Variants in FOXM1 observed in about 807,000 individuals in gnomAD.
The protein encoded by FOXM1 is forkhead box protein M1.
In FOXM1, 25 loss-of-function variants were observed where a neutral mutation model predicts 63.6. The observed-to-expected ratio is 0.39, with a 90% CI of 0.29 to 0.55. FOXM1 has a LOEUF of 0.55. Among genes scored for constraint, FOXM1 ranks in the 20% least tolerant of loss-of-function variants. The probability of loss-of-function intolerance (pLI) is 0.60; values close to 1 mark genes in which losing one functional copy is unlikely to be tolerated. For missense variants in FOXM1, 879 were observed against 958.7 expected (o/e 0.92, Z 1.10); for synonymous variants, 387 against 376.9 (o/e 1.03, Z -0.31).
chr12:2,876,040 C>T (rs900809490), intron 1 of FOXM1, among the ~76,000 whole-genome samples: 1 of 151,944 alleles, frequency 6.6e-6, no homozygotes, highest in Non-Finnish European at 1.5e-5. Context: ...GGATTACAGG[C>T]GTGAGCCACT....
chr12:2,858,631 C>G lies in FOXM1; in HGVS notation c.*7G>C, dbSNP rs772417443. On this transcript the variant is annotated 3_prime_UTR_variant, in exon 9 of 9. Coordinates refer to ENST00000359843, the MANE Select transcript of FOXM1 (RefSeq NM_021953.4). ...GACAGCTTGAGCACAGGGGCAAGGGCAGGGCTCTACTGTAGCTCAGGAATA... is the reference window on the plus strand; with the variant it reads ...GACAGCTTGAGCACAGGGGCAAGGGGAGGGCTCTACTGTAGCTCAGGAATA... The G allele has an allele frequency of 1.9e-6, 3 of 1,610,818 alleles. No homozygotes were observed. The African/African-American group carries it at 4.0e-5, about 22-fold the overall frequency.
At chr12:2,862,936 G>A (rs959770594) in intron 8 of FOXM1, among the ~76,000 whole-genome samples, 3 of 152,056 alleles carry the variant, frequency 2.0e-5, no homozygotes, top group African/African-American at 7.2e-5. Flanking sequence ...GATGGGGGAA[G>A]CTTTTCACTT....
At chr12:2,862,747 G>A (rs1006370061) in intron 8 of FOXM1, among the ~76,000 whole-genome samples, 1 of 149,450 alleles carries the variant, frequency 6.7e-6, no homozygotes, top group Non-Finnish European at 1.5e-5. Flanking sequence ...TTACTTTGCT[G>A]CCCAGGCTGG....
Position 2,875,790 on chromosome 12 carries a change from C to T in FOXM1, c.-48+1130G>A, listed in dbSNP as rs1010092504. On this transcript the variant is annotated intron_variant, in intron 1 of 8. Transcript: ENST00000359843. ...TTTTTTTTTTTTTGAGACGGAGCTT[C>T]GCTCTTGTCACCCAGGCTGGAGTGC... 2.8e-4 allele frequency among the ~76,000 whole-genome samples: 38 copies of T among 136,294 alleles called. 1 individual carries two copies. Among genetic ancestry groups the T allele is most frequent in the African/African-American group, 9.3e-4 (33 of 35,360 alleles). The allele number at this position is 136,294 out of a possible 152,430, so 89.4% of individuals were successfully genotyped here.
Position 2,859,040 on chromosome 12 carries a change from G to C in FOXM1, c.1890C>G (p.Ala630=). Residue 630 remains alanine, a synonymous_variant, in exon 9 of 9, where the codon GCC becomes GCG. Transcript: ENST00000359843. ...TPESWRLTPP[A]KVGGLDFSPV... is the part of the protein sequence containing the mutation. ...GGCTGAAATCCAGTCCCCCTACTTT[G>C]GCTGGGGGCGTGAGCCTCCAGGATT... 6.2e-7 allele frequency: 1 copy of C among 1,609,616 alleles called. No individual in the cohort carries two copies. The highest frequency in any genetic ancestry group is 8.5e-7 in the Non-Finnish European group (1 of 1,177,712).
Position 2,872,298 on chromosome 12 carries a change from A to T in FOXM1, c.503-51T>A, listed in dbSNP as rs367575382. 4 of 1,600,724 alleles carry T rather than the reference A, an allele frequency of 2.5e-6. No individual in the cohort carries two copies. The highest frequency in any genetic ancestry group is 1.9e-4 in the Middle Eastern group (1 of 5,302). On this transcript the variant is annotated intron_variant, in intron 2 of 8. Transcript: ENST00000359843. This position sits in a 1 kb window ranked among gnomAD's most constrained non-coding sequence, Gnocchi z 4.0. ...CACTTAGCTGCCTCATCAGATGCCC[A>T]GGTGTGTCCATCAGAATTGGTGGCT...
At position 2,874,317 on chromosome 12, in the gene FOXM1, G is replaced by A. The variant is rs2098138287; in HGVS notation, c.162C>T (p.Asn54=). 6.2e-7 allele frequency: 1 copy of A among 1,614,214 alleles called. No homozygotes were observed. The highest frequency in any genetic ancestry group is 8.5e-7 in the Non-Finnish European group (1 of 1,180,038). ...AEASKEVAES[N]SCKFPAGIKI... Reference sequence around the variant, plus strand: ...TGATCCCAGCTGGAAACTTGCAAGAGTTGGACTCTGCCACTTCCTTGGAGG... The same window carrying A: ...TGATCCCAGCTGGAAACTTGCAAGAATTGGACTCTGCCACTTCCTTGGAGG... The change falls in exon 2 of 9, where the codon AAC becomes AAT. Residue 54 remains asparagine (N), a synonymous_variant. Coordinates refer to ENST00000359843, the MANE Select transcript of FOXM1 (RefSeq NM_021953.4). The surrounding 1 kb of genome is among the most constrained non-coding windows in gnomAD (Gnocchi z 4.3).
chr12:2,866,903 A>G (rs1190163397), intron 4 of FOXM1, among the ~76,000 whole-genome samples: 1 of 152,230 alleles, frequency 6.6e-6, no homozygotes, highest in Non-Finnish European at 1.5e-5. Context: ...CTATAATCCC[A>G]GCACTGTGGG....
chr12:2,865,213 CTG>C, intron 6 of FOXM1, 140 bp downstream of exon 6: 1 of 728,010 alleles, frequency 1.4e-6, no homozygotes, highest in South Asian at 1.8e-5. Context: ...TCAGGGTGTT[CTG>C]TGTCTAGGGC....
intron 8 of FOXM1, among the ~76,000 whole-genome samples, chr12:2,860,397 A>G (rs1343893929): frequency 6.6e-6 from 1 of 151,578 alleles, no homozygotes; most frequent in Non-Finnish European, 1.5e-5. Flanking sequence ...TGAGGTGGGA[A>G]GATCACTTGA....
Position 2,868,623 on chromosome 12 carries a change from G to T in FOXM1, c.786C>A (p.Ile262=). The part of the protein sequence containing the change: ...TERKRMTLKD[I]YTWIEDHFPY... ...GAAAGTGGTCCTCAATCCACGTATAGATGTCTTTCAAAGTCATGCGCTTCC... is the reference window on the plus strand; with the variant it reads ...GAAAGTGGTCCTCAATCCACGTATATATGTCTTTCAAAGTCATGCGCTTCC... Residue 262 remains isoleucine, a synonymous_variant, in exon 4 of 9, where the codon ATC becomes ATA. Transcript: ENST00000359843. The T allele has an allele frequency of 6.2e-7, 1 of 1,613,962 alleles. No individual in the cohort carries two copies. The highest frequency in any genetic ancestry group is 1.7e-5 in the Admixed American group (1 of 60,000).
At position 2,874,031 on chromosome 12, in the gene FOXM1, C is replaced by T. The variant is rs982768057; in HGVS notation, c.448G>A (p.Val150Met). The change falls in exon 2 of 9, where the codon GTG (valine) becomes ATG (methionine). Residue 150 changes from valine to methionine, a missense_variant. Val to Met is a conservative substitution (Grantham distance 21). This residue lies in a region of FOXM1 where 255 missense variants were observed against 292.4 expected (regional missense o/e 0.87). Transcript: ENST00000359843. This position sits in a 1 kb window ranked among gnomAD's most constrained non-coding sequence, Gnocchi z 4.3. ...TLGPKPAARD[V>M]NLPRPPGALC... is the part of the protein sequence containing the mutation. ...GCTCCAGGTGGTCTAGGAAGATTCA[C>T]ATCCCTAGCTGCAGGTTTTGGTCCC... 6.2e-6 allele frequency: 10 copies of T among 1,614,140 alleles called. No homozygotes were observed. The highest frequency in any genetic ancestry group is 1.1e-5 in the South Asian group (1 of 91,086).
chr12:2,873,768 C>T (rs577319892), intron 2 of FOXM1, among the ~76,000 whole-genome samples: 17 of 151,946 alleles, frequency 1.1e-4, no homozygotes, highest in South Asian at 2.1e-4. Context: ...TTAGTAGAGA[C>T]GGGTTTCACC....
chr12:2,861,977 G>A (rs1365669595), intron 8 of FOXM1, among the ~76,000 whole-genome samples: 3 of 152,172 alleles, frequency 2.0e-5, no homozygotes, highest in South Asian at 2.1e-4. Context: ...TCAGGAGCTC[G>A]AGACCAGCCT....
At chr12:2,869,876 T>C (rs1423453198) in intron 3 of FOXM1, among the ~76,000 whole-genome samples, 1 of 151,102 alleles carries the variant, frequency 6.6e-6, no homozygotes, top group African/African-American at 2.4e-5. Context: ...TGTCAGCCGC[T>C]ATGCCCGGTC....
At position 2,862,707 on chromosome 12, in the gene FOXM1, A is replaced by ATTT. The variant is rs113254945; in HGVS notation, c.1266+1612_1266+1613insAAA. Among the ~76,000 whole-genome samples, 311 of 143,464 alleles carry ATTT rather than the reference A, an allele frequency of 2.2e-3. 1 individual carries two copies. Among genetic ancestry groups the ATTT allele is most frequent in the Non-Finnish European group, 2.8e-3 (174 of 62,710 alleles). 94.1% of individuals were successfully genotyped at this position (143,464 alleles called of 152,430 possible). On this transcript the variant is annotated intron_variant, in intron 8 of 8. Transcript: ENST00000359843. ...GAAAATGCCTGGCTAATTAAAAAAAAATTTTTTTTTTTTTGTTACAGACAG... is the reference window on the plus strand; with the variant it reads ...GAAAATGCCTGGCTAATTAAAAAAAATTTATTTTTTTTTTTTTGTTACAGACAG...
At chr12:2,867,700 G>T (rs1280973136) in intron 4 of FOXM1, among the ~76,000 whole-genome samples, 2 of 151,120 alleles carry the variant, frequency 1.3e-5, no homozygotes, top group South Asian at 4.2e-4. Flanking sequence ...GAGGGGCCAG[G>T]TGTGGTGGCT....
At position 2,858,277 on chromosome 12, in the gene FOXM1, A is replaced by G. The variant is rs2153930703; in HGVS notation, c.*361T>C. 5.1e-6 allele frequency: 1 copy of G among 196,724 alleles called. No homozygotes were observed. The highest frequency in any genetic ancestry group is 5.4e-5 in the Admixed American group (1 of 18,482). The allele number at this position is 196,724 out of a possible 1,614,324, so 12.2% of individuals were successfully genotyped here. A position where few individuals can be genotyped will look rare whatever the true frequency, so the allele number is the denominator to read the frequency against. On this transcript the variant is annotated 3_prime_UTR_variant, in exon 9 of 9. Transcript: ENST00000359843. ...ATAAGCTTACATTTATAATTAGAGG[A>G]TAATTTGGAGAATTTATACTATTTA...
At position 2,858,551 on chromosome 12, in the gene FOXM1, C is replaced by T. The variant is rs1005650594; in HGVS notation, c.*87G>A. On this transcript the variant is annotated 3_prime_UTR_variant, in exon 9 of 9. Transcript: ENST00000359843. ...TGAGGAGCAGAACAGTCCCTGCCTGCTGTCCTCACTCAGAGGCTTGGGGTG... is the reference window on the plus strand; with the variant it reads ...TGAGGAGCAGAACAGTCCCTGCCTGTTGTCCTCACTCAGAGGCTTGGGGTG... 8.5e-6 allele frequency: 10 copies of T among 1,176,978 alleles called. No individual in the cohort carries two copies. The highest frequency in any genetic ancestry group is 1.2e-5 in the Non-Finnish European group (10 of 832,326). The allele number at this position is 1,176,978 out of a possible 1,614,324, so 72.9% of individuals were successfully genotyped here.
Sources: allele counts gnomAD v4.1 joint callset (sites outside exome capture counted in the v4.1 genomes callset), GRCh38; gene constraint gnomAD v4.1.1; regional missense constraint gnomAD v4.1.1; non-coding constraint Gnocchi (gnomAD v3.1); transcripts MANE v1.5; gene names NCBI Gene and HGNC (gene_info 2026-07-23, HGNC 2026-07-21).